IMMP2L: variants seen among roughly 807,000 people sequenced by gnomAD.
IMMP2L encodes inner mitochondrial membrane peptidase subunit 2.
Under a neutral mutation model 19.3 loss-of-function variants are expected in IMMP2L, and 18 were observed. That is an observed-to-expected ratio of 0.93 (90% CI 0.64 to 1.38). The LOEUF (loss-of-function observed/expected upper bound fraction) is 1.38, where lower values mean the gene tolerates loss of function less well. Ranked by LOEUF, IMMP2L falls within the 40% of genes most tolerant of loss-of-function variation. The pLI is 0.00. For synonymous variants in IMMP2L, 76 were observed against 73.0 expected, an observed-to-expected ratio of 1.04 and a Z score of -0.21; for missense variants, 233 against 218.2, an observed-to-expected ratio of 1.07 and a Z score of -0.43.
At chr7:111,539,132 A>AAAAGG (rs1848177479) in intron 1 of IMMP2L, among the ~76,000 whole-genome samples, 1 of 61,584 alleles carries the variant, frequency 1.6e-5, no homozygotes, top group Non-Finnish European at 3.2e-5. Flanking sequence ...AAAGAAAAGA[A>AAAAGG]AAGGAAGGAA....
At chr7:111,249,326 C>CTT (rs1815773684) in intron 3 of IMMP2L, among the ~76,000 whole-genome samples, 1 of 140,668 alleles carries the variant, frequency 7.1e-6, no homozygotes, top group African/African-American at 2.7e-5. Flanking sequence ...GGAAAGGGAA[C>CTT]TCCCTGACCC....
intron 4 of IMMP2L, among the ~76,000 whole-genome samples, chr7:110,893,694 A>G (rs1329265458): frequency 6.6e-6 from 1 of 152,122 alleles, no homozygotes; most frequent in Non-Finnish European, 1.5e-5. Context: ...TGAGCACAGT[A>G]CCCCAAATTC....
rs936672160 is a variant in IMMP2L at position 111,064,465 on chromosome 7, T to G, written c.240-100900A>C. Among the ~76,000 whole-genome samples, 6 of 152,300 alleles carry G rather than the reference T, an allele frequency of 3.9e-5. No individual in the cohort carries two copies. In the South Asian group the frequency reaches 1.2e-3, roughly 32 times the overall value. On this transcript the variant is annotated intron_variant, in intron 3 of 5. Transcript: ENST00000405709. ...GGGAAAAGTTCTCCAGAAGGCTGTA[T>G]ATGCTCTGAATCAGCATCCAAAATA...
At chr7:111,512,028 T>C (rs1236224001) in intron 2 of IMMP2L, among the ~76,000 whole-genome samples, 1 of 152,142 alleles carries the variant, frequency 6.6e-6, no homozygotes, top group African/African-American at 2.4e-5. Flanking sequence ...ACCCCACTAT[T>C]ACGTATCTGC....
intron 5 of IMMP2L, among the ~76,000 whole-genome samples, chr7:110,718,290 A>C (rs530828010): frequency 6.6e-6 from 1 of 152,342 alleles, no homozygotes; most frequent in African/African-American, 2.4e-5. Flanking sequence ...CAATGCTGCT[A>C]TCTTTTTAAA....
intron 5 of IMMP2L, among the ~76,000 whole-genome samples, chr7:110,747,788 T>A (rs553799376): frequency 6.6e-6 from 1 of 152,270 alleles, no homozygotes; most frequent in East Asian, 1.9e-4. Flanking sequence ...TGACAGCCAA[T>A]ATCATACTGA....
intron 3 of IMMP2L, among the ~76,000 whole-genome samples, chr7:111,051,955 G>C (rs1793046127): frequency 6.6e-6 from 1 of 152,154 alleles, no homozygotes; most frequent in Non-Finnish European, 1.5e-5. Flanking sequence ...GACAGGAATG[G>C]AGGAGGGATA....
intron 5 of IMMP2L, among the ~76,000 whole-genome samples, chr7:110,698,176 T>C (rs890247159): frequency 2.6e-5 from 4 of 152,220 alleles, no homozygotes; most frequent in Admixed American, 6.5e-5. Flanking sequence ...CTCTCCACCA[T>C]AGTCACTGAC....
chr7:110,739,748 T>A (rs149144752), intron 5 of IMMP2L, among the ~76,000 whole-genome samples: 3,889 of 152,176 alleles, frequency 0.026, 71 homozygotes, highest in Middle Eastern at 0.048. Context: ...ACCCAACAAC[T>A]GCAGAATATA....
intron 2 of IMMP2L, among the ~76,000 whole-genome samples, chr7:111,516,735 C>T (rs937228440): frequency 1.3e-5 from 2 of 152,042 alleles, no homozygotes; most frequent in Non-Finnish European, 2.9e-5. Context: ...TGTAAAAACT[C>T]ATAACTCATC....
At chr7:110,905,991 C>A (rs1339447012) in intron 4 of IMMP2L, among the ~76,000 whole-genome samples, 1 of 152,216 alleles carries the variant, frequency 6.6e-6, no homozygotes, top group African/African-American at 2.4e-5. Flanking sequence ...CTATTTACCA[C>A]TGCCAGTTTC....
chr7:111,055,304 A>T (rs997983811), intron 3 of IMMP2L, among the ~76,000 whole-genome samples: 1 of 152,070 alleles, frequency 6.6e-6, no homozygotes, highest in Middle Eastern at 3.2e-3. Context: ...CAGCCTCCCA[A>T]AGTGCTAAGA....
chr7:110,919,680 TG>T (rs774837302), intron 4 of IMMP2L, among the ~76,000 whole-genome samples: 3 of 147,334 alleles, frequency 2.0e-5, no homozygotes, highest in Non-Finnish European at 2.9e-5. Context: ...ACTTATTTCT[TG>T]AAAAAAAAAT....
chr7:111,476,473 T>C (rs541465657), intron 3 of IMMP2L, among the ~76,000 whole-genome samples: 1 of 152,246 alleles, frequency 6.6e-6, no homozygotes, highest in Admixed American at 6.5e-5. Flanking sequence ...TACAGCAAAT[T>C]TGGCGGTTTA....
intron 5 of IMMP2L, among the ~76,000 whole-genome samples, chr7:110,805,630 T>A (rs1041824055): frequency 6.6e-6 from 1 of 152,066 alleles, no homozygotes; most frequent in African/African-American, 2.4e-5. Context: ...TCAAGATTTA[T>A]GAGCAATTGT....
At chr7:110,962,848 C>A in intron 4 of IMMP2L, 1 of 1,250,484 alleles carries the variant, frequency 8.0e-7, no homozygotes, top group South Asian at 3.4e-5. Context: ...TTGGCTACCA[C>A]ATTGTATAGG....
At chr7:110,916,631 C>T (rs1813642428) in intron 4 of IMMP2L, among the ~76,000 whole-genome samples, 1 of 152,168 alleles carries the variant, frequency 6.6e-6, no homozygotes, top group Admixed American at 6.6e-5. Flanking sequence ...CACACAGATG[C>T]AAATATAGAA....
intron 5 of IMMP2L, among the ~76,000 whole-genome samples, chr7:110,825,442 C>T (rs549957245): frequency 2.2e-4 from 33 of 152,200 alleles, no homozygotes; most frequent in African/African-American, 6.0e-4. Flanking sequence ...AACTATACTA[C>T]GAGGCTACAG....
chr7:111,237,847 C>T (rs1814518394), intron 3 of IMMP2L, among the ~76,000 whole-genome samples: 2 of 151,980 alleles, frequency 1.3e-5, no homozygotes. Context: ...AGATAAATAA[C>T]ACCTCTATAA....
Sources: allele counts gnomAD v4.1 joint callset (sites outside exome capture counted in the v4.1 genomes callset), GRCh38; gene constraint gnomAD v4.1.1; transcripts MANE v1.5; gene names NCBI Gene and HGNC (gene_info 2026-07-23, HGNC 2026-07-21).